KLHL26: variants seen among roughly 807,000 people sequenced by gnomAD.
KLHL26 encodes kelch like family member 26.
KLHL26 carries 4 observed loss-of-function variants against 7.1 expected under a neutral mutation model. The ratio of observed to expected loss-of-function variants is 0.56; its 90% confidence interval spans 0.28 to 1.28. The LOEUF is 1.28. Ranked by LOEUF, KLHL26 falls within the 50% of genes most tolerant of loss-of-function variation. KLHL26 has a pLI of 0.11. For missense variants in KLHL26, 896 were observed against 924.6 expected, an observed-to-expected ratio of 0.97 and a Z score of 0.40; for synonymous variants, 465 against 414.1, an observed-to-expected ratio of 1.12 and a Z score of -1.49.
Position 18,637,152 on chromosome 19 carries a change from G to T in KLHL26, c.83+15G>T. ...CGCCCGAACAGGTGAGACCCGGCCC[G>T]CAGGATAGACCTGCACCTGTCTTGG... is the stretch of plus-strand genomic sequence containing the variant. On this transcript the variant is annotated intron_variant, in intron 1 of 2. Coordinates refer to ENST00000300976, the MANE Select transcript of KLHL26 (RefSeq NM_018316.3). 4.5e-6 allele frequency: 6 copies of T among 1,326,168 alleles called. No individual in the cohort carries two copies. Among genetic ancestry groups the T allele is most frequent in the Non-Finnish European group, 5.8e-6 (6 of 1,039,590 alleles). 82.2% of individuals were successfully genotyped at this position (1,326,168 alleles called of 1,614,324 possible). A position where few individuals can be genotyped will look rare whatever the true frequency, so the allele number is the denominator to read the frequency against.
At position 18,664,261 on chromosome 19, in the gene KLHL26, C is replaced by A; in HGVS notation, c.84C>A (p.Ser28Arg). 1.3e-6 allele frequency: 2 copies of A among 1,594,250 alleles called. No homozygotes were observed. The highest frequency in any genetic ancestry group is 8.5e-7 in the Non-Finnish European group (1 of 1,170,908). The change falls in exon 2 of 3, where the codon AGC (serine) becomes AGA (arginine). Residue 28 changes from serine (S) to arginine (R), a missense_variant and splice_region_variant. Coordinates refer to ENST00000300976, the MANE Select transcript of KLHL26 (RefSeq NM_018316.3). ...GAGPGPERPN[S>R]TADKNGALKC... ...GTCCCCACCTCTGCTTTCCCCGCAG[C>A]ACGGCCGACAAGAACGGGGCCCTCA...
intron 1 of KLHL26, among the ~76,000 whole-genome samples, chr19:18,657,881 G>T (rs572929596): frequency 6.6e-6 from 1 of 152,308 alleles, no homozygotes; most frequent in African/African-American, 2.4e-5. Context: ...TTGCTGACGT[G>T]AGCGTGGGGG....
At chr19:18,645,260 G>C (rs1403493031) in intron 1 of KLHL26, among the ~76,000 whole-genome samples, 1 of 152,202 alleles carries the variant, frequency 6.6e-6, no homozygotes, top group Non-Finnish European at 1.5e-5. Context: ...TTGGGGTGTC[G>C]CAAGGGGAGG....
At chr19:18,640,058 C>T (rs1018833646) in intron 1 of KLHL26, among the ~76,000 whole-genome samples, 37 of 150,274 alleles carry the variant, frequency 2.5e-4, no homozygotes, top group African/African-American at 8.3e-4. Flanking sequence ...CTCGTATGGA[C>T]GGACACAGTT....
Position 18,669,499 on chromosome 19 carries a change from G to A in KLHL26, c.*254G>A, listed in dbSNP as rs1207105200. On this transcript the variant is annotated 3_prime_UTR_variant, in exon 3 of 3. Transcript: ENST00000300976. The stretch of plus-strand genomic sequence containing the variant: ...TGGTGGCAGCAAATTCGTCCCCGGG[G>A]TGGTTTCCTCGCCTGGCCCCCGAGT... The A allele has an allele frequency of 3.5e-6, 2 of 572,994 alleles. No homozygotes were observed. The highest frequency in any genetic ancestry group is 1.9e-5 in the African/African-American group (1 of 53,128). 35.5% of individuals were successfully genotyped at this position (572,994 alleles called of 1,614,324 possible). A position where few individuals can be genotyped will look rare whatever the true frequency, so the allele number is the denominator to read the frequency against.
intron 2 of KLHL26, chr19:18,667,380 G>A: frequency 5.9e-6 from 3 of 510,316 alleles, no homozygotes; most frequent in Middle Eastern, 5.5e-4. Flanking sequence ...TTTTGTGACT[G>A]AGTCTCACTC....
intron 1 of KLHL26, among the ~76,000 whole-genome samples, chr19:18,654,373 C>T (rs1314282354): frequency 6.7e-6 from 1 of 150,066 alleles, no homozygotes; most frequent in Non-Finnish European, 1.5e-5. Context: ...CATCCACCAT[C>T]TGCCCACCCA....
intron 2 of KLHL26, chr19:18,667,314 C>T (rs56102177): frequency 0.073 from 26,536 of 365,562 alleles, 1,201 homozygotes; most frequent in Middle Eastern, 0.14. Flanking sequence ...GGATTACAGG[C>T]GTGAGCCACT....
chr19:18,650,342 G>C lies in KLHL26; in HGVS notation c.83+13205G>C, dbSNP rs190427239. 7.3e-3 allele frequency among the ~76,000 whole-genome samples: 1,113 copies of C among 152,300 alleles called. 28 individuals are homozygous for C. The highest frequency in any genetic ancestry group is 0.043 in the Admixed American group (659 of 15,298). ...TTTCCCGGAGCGGGGTGGAAGGAGT[G>C]TCAAGGTGACTGTGAGATGACAGAC... is the stretch of plus-strand genomic sequence containing the variant. On this transcript the variant is annotated intron_variant, in intron 1 of 2. Transcript: ENST00000300976. The surrounding 1 kb of genome is among the most constrained non-coding windows in gnomAD (Gnocchi z 4.2).
chr19:18,666,881 G>A (rs2052453484), intron 2 of KLHL26, among the ~76,000 whole-genome samples: 2 of 152,256 alleles, frequency 1.3e-5, no homozygotes, highest in South Asian at 4.1e-4. Context: ...CACTGGCCTT[G>A]CAGTTCCTGA....
In KLHL26 at chr19:18,667,854, G is replaced by T. The variant is rs546135420; in HGVS notation, c.457G>T (p.Glu153Ter). The T allele has an allele frequency of 6.2e-7, 1 of 1,612,950 alleles. No homozygotes were observed. Among genetic ancestry groups the T allele is most frequent in the African/African-American group, 1.3e-5 (1 of 74,930 alleles). The stretch of plus-strand genomic sequence containing the variant: ...GATGCTGCCCGTGGTGGAGCTGTGC[G>T]AGGAGTTCCTGAAGGCGGCCATGAG... ...LQMLPVVELC[E>*]EFLKAAMSVE... Residue 153 changes from glutamate (E) to a stop codon, truncating the protein, a stop_gained, in exon 3 of 3, where the codon GAG (glutamate) becomes TAG (stop). Coordinates refer to ENST00000300976, the MANE Select transcript of KLHL26 (RefSeq NM_018316.3). LOFTEE classifies it low-confidence loss of function (END_TRUNC).
intron 1 of KLHL26, among the ~76,000 whole-genome samples, chr19:18,657,810 G>A (rs2052349422): frequency 6.6e-6 from 1 of 152,218 alleles, no homozygotes; most frequent in Non-Finnish European, 1.5e-5. Flanking sequence ...GCCTTGGGCA[G>A]TCTGGGGGAG....
At chr19:18,654,588 C>T (rs1003441844) in intron 1 of KLHL26, among the ~76,000 whole-genome samples, 1 of 151,114 alleles carries the variant, frequency 6.6e-6, no homozygotes, top group African/African-American at 2.4e-5. Context: ...CAGCTATCCA[C>T]CCATCCATTC....
chr19:18,639,152 T>G (rs558163105), intron 1 of KLHL26, among the ~76,000 whole-genome samples: 1 of 151,572 alleles, frequency 6.6e-6, no homozygotes, highest in African/African-American at 2.4e-5. Context: ...CTCGGCTCAC[T>G]GCAACCTCTG....
chr19:18,640,126 A>G (rs1976687450), intron 1 of KLHL26, among the ~76,000 whole-genome samples: 1 of 151,844 alleles, frequency 6.6e-6, no homozygotes, highest in African/African-American at 2.4e-5. Context: ...GACAACTGCA[A>G]ATAAAGTTGC....
intron 1 of KLHL26, among the ~76,000 whole-genome samples, chr19:18,645,196 C>G (rs905789683): frequency 6.6e-6 from 1 of 152,130 alleles, no homozygotes; most frequent in African/African-American, 2.4e-5. Context: ...TGGCCTCCTC[C>G]CAGCTCGGGC....
intron 1 of KLHL26, among the ~76,000 whole-genome samples, chr19:18,640,791 G>A (rs1445143017): frequency 6.7e-6 from 1 of 149,776 alleles, no homozygotes; most frequent in Admixed American, 6.7e-5. Flanking sequence ...CGCCTGCTTC[G>A]GCCTCCCAAA....
chr19:18,661,768 C>T (rs1263900391), intron 1 of KLHL26, among the ~76,000 whole-genome samples: 1 of 152,124 alleles, frequency 6.6e-6, no homozygotes, highest in Non-Finnish European at 1.5e-5. Context: ...CAGCTGCCTT[C>T]CTGGGGGTCA....
intron 1 of KLHL26, among the ~76,000 whole-genome samples, chr19:18,653,064 C>G (rs1390580219): frequency 6.6e-6 from 1 of 152,078 alleles, no homozygotes; most frequent in East Asian, 1.9e-4. Flanking sequence ...TGGGTGGGTC[C>G]TATGATCATC....
Sources: allele counts gnomAD v4.1 joint callset (sites outside exome capture counted in the v4.1 genomes callset), GRCh38; gene constraint gnomAD v4.1.1; non-coding constraint Gnocchi (gnomAD v3.1); transcripts MANE v1.5; gene names NCBI Gene and HGNC (gene_info 2026-07-23, HGNC 2026-07-21).